Variants in TMEM132D observed in about 807,000 individuals in gnomAD.
TMEM132D encodes the protein mature OL transmembrane protein.
Under a neutral mutation model 62.3 loss-of-function variants are expected in TMEM132D, and 21 were observed. That is an observed-to-expected ratio of 0.34 (90% CI 0.24 to 0.49). The LOEUF is 0.49. Ranked by LOEUF, TMEM132D falls within the 20% of genes least tolerant of loss-of-function variation. The pLI is 0.99. For synonymous variants in TMEM132D, 621 were observed against 575.6 expected, an observed-to-expected ratio of 1.08 and a Z score of -1.13; for missense variants, 1,346 against 1,402.8, an observed-to-expected ratio of 0.96 and a Z score of 0.65.
At chr12:129,101,182 G>A (rs10773595) in intron 5 of TMEM132D, among the ~76,000 whole-genome samples, 49,325 of 152,120 alleles carry the variant, frequency 0.32, 8,506 homozygotes, top group South Asian at 0.45. Flanking sequence ...GGTGCCAGTC[G>A]GTGGCAGGAT....
At chr12:129,766,980 G>A (rs2137279516) in intron 1 of TMEM132D, among the ~76,000 whole-genome samples, 1 of 152,288 alleles carries the variant, frequency 6.6e-6, no homozygotes, top group East Asian at 1.9e-4. Flanking sequence ...CATTGAAAGT[G>A]GGTATAAATA....
In TMEM132D at chr12:129,622,855, G is replaced by A. The variant is rs905280627; in HGVS notation, c.968+76955C>T. On this transcript the variant is annotated intron_variant, in intron 2 of 8. Coordinates refer to ENST00000422113, the MANE Select transcript of TMEM132D (RefSeq NM_133448.3). ...GTGATTGGTTCATACATGGGCAAAT[G>A]AGCCAATCAAGGATGCTAAGATCCC... Among the ~76,000 whole-genome samples, 8 of 152,204 alleles carry A rather than the reference G, an allele frequency of 5.3e-5. 1 individual carries two copies. The highest frequency in any genetic ancestry group is 1.9e-4 in the African/African-American group (8 of 41,456).
At chr12:129,764,872 T>C (rs1172689601) in intron 1 of TMEM132D, among the ~76,000 whole-genome samples, 3 of 151,906 alleles carry the variant, frequency 2.0e-5, no homozygotes, top group Non-Finnish European at 4.4e-5. Flanking sequence ...GCCTGGGAGG[T>C]TGAGGCTGCA....
chr12:129,575,214 T>A (rs1877627218), intron 2 of TMEM132D, among the ~76,000 whole-genome samples: 1 of 151,808 alleles, frequency 6.6e-6, no homozygotes, highest in South Asian at 2.1e-4. Context: ...CTAATACATA[T>A]AACATACAAA....
rs1382935225 is a variant in TMEM132D, at chr12:129,779,327, C to T, written c.80-78629G>A. Among the ~76,000 whole-genome samples the T allele has an allele frequency of 2.6e-5, 4 of 152,310 alleles. No individual in the cohort carries two copies. The East Asian group carries it at 5.8e-4, about 22-fold the overall frequency. ...TGTTTGAGACAGGGTCTCACTTTGT[C>T]GCCCAGGCTGGAGAGCAGTGGTGTT... On this transcript the variant is annotated intron_variant, in intron 1 of 8. Coordinates refer to ENST00000422113, the MANE Select transcript of TMEM132D (RefSeq NM_133448.3). The surrounding 1 kb of genome is among the most constrained non-coding windows in gnomAD (Gnocchi z 4.1).
chr12:129,860,187 G>A (rs1402693684), intron 1 of TMEM132D, among the ~76,000 whole-genome samples: 1 of 152,200 alleles, frequency 6.6e-6, no homozygotes, highest in Non-Finnish European at 1.5e-5. Context: ...ATTTGAGAAT[G>A]CAACTGGCTA....
chr12:129,751,356 G>A lies in TMEM132D; in HGVS notation c.80-50658C>T, dbSNP rs551596064. 3.2e-4 allele frequency among the ~76,000 whole-genome samples: 48 copies of A among 152,158 alleles called. 1 individual carries two copies. The highest frequency in any genetic ancestry group is 1.4e-4 in the African/African-American group (6 of 41,438). ...ATCAGTTGTCTGTGAGAACTCACTC[G>A]CTATTAAGAGAACAGCAAGGGGTAA... On this transcript the variant is annotated intron_variant, in intron 1 of 8. Transcript: ENST00000422113.
At chr12:129,797,064 C>T (rs1019662128) in intron 1 of TMEM132D, among the ~76,000 whole-genome samples, 1 of 152,144 alleles carries the variant, frequency 6.6e-6, no homozygotes, top group Non-Finnish European at 1.5e-5. Flanking sequence ...CAACGCTATG[C>T]TCTTCATCTT....
intron 1 of TMEM132D, among the ~76,000 whole-genome samples, chr12:129,704,347 G>A (rs1384383975): frequency 6.6e-6 from 1 of 152,202 alleles, no homozygotes; most frequent in East Asian, 1.9e-4. Flanking sequence ...GGGTGCTCCC[G>A]CACCTGACAA....
chr12:129,131,564 G>A (rs1473209731), intron 5 of TMEM132D, among the ~76,000 whole-genome samples: 3 of 152,026 alleles, frequency 2.0e-5, no homozygotes, highest in Non-Finnish European at 4.4e-5. Flanking sequence ...CCAAGATCGT[G>A]GCCACTGCAC....
At chr12:129,123,480 T>C (rs1017839164) in intron 5 of TMEM132D, among the ~76,000 whole-genome samples, 2 of 152,182 alleles carry the variant, frequency 1.3e-5, no homozygotes, top group African/African-American at 4.8e-5. Flanking sequence ...TTTCTGGGGA[T>C]GCTACTCTCC....
intron 2 of TMEM132D, among the ~76,000 whole-genome samples, chr12:129,598,231 C>T (rs1282318907): frequency 6.6e-6 from 1 of 152,126 alleles, no homozygotes; most frequent in African/African-American, 2.4e-5. Context: ...ATAAAATGCT[C>T]CTTATTTTTT....
intron 1 of TMEM132D, chr12:129,854,932 T>C (rs1447982504): frequency 2.0e-5 from 3 of 152,310 alleles, no homozygotes; most frequent in Non-Finnish European, 4.4e-5. Context: ...CCAGCAACCT[T>C]GGACCTACTT....
chr12:129,124,324 A>G (rs1158249385), intron 5 of TMEM132D, among the ~76,000 whole-genome samples: 1 of 152,138 alleles, frequency 6.6e-6, no homozygotes, highest in East Asian at 1.9e-4. Context: ...TCTATTTCCC[A>G]AAATAGGAAG....
intron 2 of TMEM132D, among the ~76,000 whole-genome samples, chr12:129,540,612 A>G (rs557294136): frequency 6.6e-6 from 1 of 152,000 alleles, no homozygotes; most frequent in East Asian, 1.9e-4. Flanking sequence ...CAGTCTCCTG[A>G]GTAGCTGGGA....
intron 4 of TMEM132D, among the ~76,000 whole-genome samples, chr12:129,270,932 A>T (rs1880835670): frequency 6.6e-6 from 1 of 152,180 alleles, no homozygotes; most frequent in African/African-American, 2.4e-5. Flanking sequence ...TTGCAATGGC[A>T]TCTCTGTGTC....
At chr12:129,730,746 G>A (rs1013271187) in intron 1 of TMEM132D, among the ~76,000 whole-genome samples, 5 of 151,924 alleles carry the variant, frequency 3.3e-5, no homozygotes, top group Non-Finnish European at 7.4e-5. Flanking sequence ...ATAAAAACAG[G>A]CAGAGGAACC....
At chr12:129,184,399 T>TGTGC (rs1287930825) in intron 5 of TMEM132D, among the ~76,000 whole-genome samples, 2 of 152,224 alleles carry the variant, frequency 1.3e-5, no homozygotes, top group African/African-American at 4.8e-5. Flanking sequence ...GGCTGTCCTT[T>TGTGC]GTGCGGGCTG....
intron 2 of TMEM132D, among the ~76,000 whole-genome samples, chr12:129,576,416 AT>A (rs896453602): frequency 6.6e-6 from 1 of 151,842 alleles, no homozygotes; most frequent in Non-Finnish European, 1.5e-5. Flanking sequence ...ATATATATGT[AT>A]ATATTTGTAT....
Sources: allele counts gnomAD v4.1 joint callset (sites outside exome capture counted in the v4.1 genomes callset), GRCh38; gene constraint gnomAD v4.1.1; non-coding constraint Gnocchi (gnomAD v3.1); transcripts MANE v1.5; gene names NCBI Gene and HGNC (gene_info 2026-07-23, HGNC 2026-07-21).